The following RBFOX1 variants were observed in gnomAD, a reference collection of about 807,000 sequenced individuals.
The protein encoded by RBFOX1 is RNA binding fox-1 homolog 1, also known as RNA binding protein fox-1 homolog 1.
In RBFOX1, 8 loss-of-function variants were observed where a neutral mutation model predicts 57.7. The observed-to-expected ratio is 0.14, with a 90% confidence interval of 0.08 to 0.25. The LOEUF (loss-of-function observed/expected upper bound fraction) is 0.25. Ranked by LOEUF, RBFOX1 falls within the 10% of genes least tolerant of loss-of-function variation. The probability of loss-of-function intolerance (pLI) is 1.00; values close to 1 mark genes in which losing one functional copy is unlikely to be tolerated. For synonymous variants in RBFOX1, 326 were observed against 222.4 expected (o/e 1.47, Z -4.15); for missense variants, 611 against 548.5 (o/e 1.11, Z -1.14).
chr16:6,459,538 A>G (rs1477531209), intron 2 of RBFOX1, among the ~76,000 whole-genome samples: 1 of 152,168 alleles, frequency 6.6e-6, no homozygotes, highest in Non-Finnish European at 1.5e-5. Flanking sequence ...ACTGACCTCT[A>G]TATCTCATCT....
At chr16:5,918,508 C>A (rs1382771912) in intron 4 of RBFOX1, among the ~76,000 whole-genome samples, 7 of 152,192 alleles carry the variant, frequency 4.6e-5, no homozygotes, top group Non-Finnish European at 8.8e-5. Flanking sequence ...TCACCAGCAC[C>A]TGACAGATAG....
chr16:6,829,359 A>G lies in RBFOX1; in HGVS notation c.-16+174709A>G, dbSNP rs191152953. On this transcript the variant is annotated intron_variant, in intron 3 of 15. Transcript: ENST00000550418. ...AAGAATATGTGAGGAAGTAAATTCA[A>G]TGTGTACACACACATACATACACAG... Among the ~76,000 whole-genome samples the G allele has an allele frequency of 3.3e-3, 509 of 152,170 alleles. 3 individuals are homozygous for G. The highest frequency in any genetic ancestry group is 0.011 in the African/African-American group (477 of 41,534).
intron 5 of RBFOX1, among the ~76,000 whole-genome samples, chr16:7,520,433 C>T (rs946539141): frequency 6.6e-6 from 1 of 152,150 alleles, no homozygotes; most frequent in African/African-American, 2.4e-5. Flanking sequence ...CCCATTCTCC[C>T]TCTCCCCGGC....
chr16:6,702,320 G>A (rs1005407507), intron 3 of RBFOX1, among the ~76,000 whole-genome samples: 2 of 152,100 alleles, frequency 1.3e-5, no homozygotes, highest in East Asian at 1.9e-4. Flanking sequence ...TTGGAAGGCC[G>A]AGGCAGGCAG....
chr16:7,419,737 A>T (rs980519228), intron 4 of RBFOX1, among the ~76,000 whole-genome samples: 4 of 152,158 alleles, frequency 2.6e-5, no homozygotes, highest in Non-Finnish European at 5.9e-5. Context: ...TGCATTTTGC[A>T]AGACTGTTAA....
rs781414025 is a variant in RBFOX1, at chr16:7,176,706, A to C, written c.27+124608A>C. Among the ~76,000 whole-genome samples, 3 of 152,222 alleles carry C rather than the reference A, an allele frequency of 2.0e-5. No individual in the cohort carries two copies. In the South Asian group the frequency reaches 6.2e-4, roughly 32 times the overall value. ...ATCCTTGTTCTAGGTATTGAGAATG[A>C]AACAATGAACACAATAAGGTGATAT... is the stretch of plus-strand genomic sequence containing the variant. On this transcript the variant is annotated intron_variant, in intron 4 of 15. Coordinates refer to ENST00000550418, the MANE Select transcript of RBFOX1 (RefSeq NM_018723.4).
intron 1 of RBFOX1, among the ~76,000 whole-genome samples, chr16:6,266,100 C>T (rs1426905734): frequency 5.3e-5 from 8 of 152,180 alleles, no homozygotes; most frequent in Non-Finnish European, 1.2e-4. Flanking sequence ...TGTGTCACTT[C>T]TGGGCGGAAG....
chr16:6,655,403 A>AAAAAAAAAAAAT (rs2098642453), intron 3 of RBFOX1, among the ~76,000 whole-genome samples: 1 of 127,540 alleles, frequency 7.8e-6, no homozygotes, highest in Non-Finnish European at 1.7e-5. Flanking sequence ...AAAAAAAAAA[A>AAAAAAAAAAAAT]GAGCTCGCGC....
intron 4 of RBFOX1, among the ~76,000 whole-genome samples, chr16:7,175,344 C>A (rs1181047494): frequency 6.6e-6 from 1 of 151,968 alleles, no homozygotes; most frequent in Non-Finnish European, 1.5e-5. Flanking sequence ...AAATGGGTCT[C>A]AGTGAATCTT....
At chr16:5,890,645 C>T (rs377216621) in intron 4 of RBFOX1, among the ~76,000 whole-genome samples, 18 of 138,180 alleles carry the variant, frequency 1.3e-4, no homozygotes, top group Admixed American at 4.8e-4. Context: ...TGCAGTGAGC[C>T]GAGATCATAC....
chr16:6,116,501 A>G (rs572491283), intron 1 of RBFOX1, among the ~76,000 whole-genome samples: 1 of 152,236 alleles, frequency 6.6e-6, no homozygotes, highest in South Asian at 2.1e-4. Context: ...TGCAGTGGAG[A>G]TTTTCTTACA....
At chr16:5,451,455 AC>A (rs1191278668) in intron 1 of RBFOX1, among the ~76,000 whole-genome samples, 1 of 152,152 alleles carries the variant, frequency 6.6e-6, no homozygotes, top group African/African-American at 2.4e-5. Flanking sequence ...ACTAATTAGT[AC>A]CCCAACCCTG....
In RBFOX1 at chr16:5,799,836, A is replaced by G. The variant is rs79149601; in HGVS notation, c.319-67467A>G. 7.0e-4 allele frequency among the ~76,000 whole-genome samples: 106 copies of G among 152,292 alleles called. 1 individual carries two copies. The East Asian group carries it at 0.02, about 29-fold the overall frequency. On this transcript the variant is annotated intron_variant, in intron 3 of 19. Transcript: ENST00000641259. ...AGTTGGGTGCCTCTACCTATTCAAC[A>G]AATGTTAGTTCCCAGAATATAGTGT...
At chr16:6,101,292 C>G (rs1247441206) in intron 1 of RBFOX1, among the ~76,000 whole-genome samples, 2 of 152,044 alleles carry the variant, frequency 1.3e-5, no homozygotes, top group Non-Finnish European at 2.9e-5. Context: ...CCATCCTTTC[C>G]CCACCAAATA....
intron 3 of RBFOX1, among the ~76,000 whole-genome samples, chr16:6,825,765 T>G (rs547586304): frequency 6.6e-6 from 1 of 152,214 alleles, no homozygotes; most frequent in African/African-American, 2.4e-5. Flanking sequence ...AACGGGGTCC[T>G]GAAGACACGC....
intron 4 of RBFOX1, among the ~76,000 whole-genome samples, chr16:5,878,330 T>C (rs868420731): frequency 6.6e-6 from 1 of 152,168 alleles, no homozygotes; most frequent in African/African-American, 2.4e-5. Context: ...TGTATATAAA[T>C]TACCTCTTTT....
intron 4 of RBFOX1, among the ~76,000 whole-genome samples, chr16:5,873,307 T>C (rs968799526): frequency 1.3e-5 from 2 of 152,202 alleles, no homozygotes; most frequent in Non-Finnish European, 1.5e-5. Flanking sequence ...TTCACTCCTA[T>C]GACTTAATTC....
At chr16:6,251,093 A>G (rs2097606996) in intron 1 of RBFOX1, among the ~76,000 whole-genome samples, 2 of 152,158 alleles carry the variant, frequency 1.3e-5, no homozygotes, top group Admixed American at 1.3e-4. Context: ...TTGTCATGAT[A>G]TAGCCATTGT....
chr16:5,800,450 C>G (rs1412928817), intron 3 of RBFOX1, among the ~76,000 whole-genome samples: 4 of 152,120 alleles, frequency 2.6e-5, no homozygotes, highest in Admixed American at 6.5e-5. Flanking sequence ...CTCTGCACCC[C>G]CAGCACGCCC....
Sources: allele counts gnomAD v4.1 joint callset (sites outside exome capture counted in the v4.1 genomes callset), GRCh38; gene constraint gnomAD v4.1.1; transcripts MANE v1.5; gene names NCBI Gene and HGNC (gene_info 2026-07-23, HGNC 2026-07-21).